The following PDE10A variants were observed in gnomAD, a reference collection of about 807,000 sequenced individuals.
PDE10A encodes phosphodiesterase 10A.
In PDE10A, 39 loss-of-function variants were observed where a neutral mutation model predicts 97.7. The observed-to-expected ratio is 0.40, with a 90% CI of 0.31 to 0.52. The LOEUF (loss-of-function observed/expected upper bound fraction) is 0.52, where lower values mean the gene tolerates loss of function less well. Among genes scored for constraint, PDE10A ranks in the 20% least tolerant of loss-of-function variants. PDE10A has a pLI of 0.56. For missense variants in PDE10A, 731 were observed against 1,047.8 expected (o/e 0.70, Z 4.17); for synonymous variants, 371 against 376.8 (o/e 0.98, Z 0.18).
intron 1 of PDE10A, among the ~76,000 whole-genome samples, chr6:165,759,073 C>CGCT (rs1793191412): frequency 6.6e-6 from 1 of 152,202 alleles, no homozygotes. Context: ...AGCCGGGAAG[C>CGCT]AGTCCTGCTC....
At chr6:165,495,742 G>C (rs1490738981) in intron 2 of PDE10A, among the ~76,000 whole-genome samples, 1 of 151,958 alleles carries the variant, frequency 6.6e-6, no homozygotes, top group Non-Finnish European at 1.5e-5. Context: ...CTCAAATAAG[G>C]CTGGTTTCAC....
At position 165,350,507 on chromosome 6, in the gene PDE10A, A is replaced by C. The variant is rs192601989; in HGVS notation, c.2784-7005T>G. Reference sequence around the variant, plus strand: ...GGACTTGTATCAGATGAGACTTTGGACTTGAACTTTTGAGTTAACACTGGA... The same window carrying C: ...GGACTTGTATCAGATGAGACTTTGGCCTTGAACTTTTGAGTTAACACTGGA... On this transcript the variant is annotated intron_variant, in intron 18 of 21. Coordinates refer to ENST00000539869, the MANE Select transcript of PDE10A (RefSeq NM_001385079.1). Among the ~76,000 whole-genome samples the C allele has an allele frequency of 4.5e-4, 68 of 152,220 alleles. 2 individuals carry two copies. The highest frequency in any genetic ancestry group is 4.2e-3 in the Admixed American group (64 of 15,292).
chr6:165,361,921 T>C (rs1259760622), intron 18 of PDE10A, among the ~76,000 whole-genome samples: 4 of 152,170 alleles, frequency 2.6e-5, no homozygotes, highest in Non-Finnish European at 4.4e-5. Flanking sequence ...ACAGCAGTCC[T>C]AGAATATGAA....
At chr6:165,732,608 C>T (rs1792466959) in intron 1 of PDE10A, among the ~76,000 whole-genome samples, 1 of 152,248 alleles carries the variant, frequency 6.6e-6, no homozygotes, top group Admixed American at 6.5e-5. Context: ...CTAACCATGT[C>T]ATTAACATGA....
chr6:165,641,172 G>A (rs1282230610), intron 1 of PDE10A, among the ~76,000 whole-genome samples: 1 of 152,094 alleles, frequency 6.6e-6, no homozygotes, highest in Non-Finnish European at 1.5e-5. Flanking sequence ...AGTAAGGGGT[G>A]ACTGACGCCC....
chr6:165,377,328 TAGAC>T (rs1019478552), intron 18 of PDE10A, among the ~76,000 whole-genome samples: 36 of 152,216 alleles, frequency 2.4e-4, no homozygotes, highest in African/African-American at 5.8e-4. Context: ...TTACAGGAAA[TAGAC>T]AGTTGCTACT....
intron 1 of PDE10A, among the ~76,000 whole-genome samples, chr6:165,787,212 TA>T (rs1192025266): frequency 2.0e-5 from 3 of 152,004 alleles, no homozygotes; most frequent in African/African-American, 4.8e-5. Context: ...AAACAGCCAT[TA>T]AAAAAACCCA....
At chr6:165,552,829 A>G (rs1443886554) in intron 1 of PDE10A, among the ~76,000 whole-genome samples, 1 of 152,202 alleles carries the variant, frequency 6.6e-6, no homozygotes, top group African/African-American at 2.4e-5. Flanking sequence ...ACAGACTATC[A>G]TCAAGTGAAT....
chr6:165,927,432 G>C (rs1782971329), intron 1 of PDE10A, among the ~76,000 whole-genome samples: 1 of 151,694 alleles, frequency 6.6e-6, no homozygotes. Context: ...TCACAATACA[G>C]TAAGATTTTT....
intron 13 of PDE10A, among the ~76,000 whole-genome samples, chr6:165,404,880 CA>C (rs1276618184): frequency 7.5e-6 from 1 of 132,726 alleles, no homozygotes; most frequent in Non-Finnish European, 1.6e-5. Flanking sequence ...ACAAAAACCA[CA>C]AGGATTTCTT....
At chr6:165,839,040 G>A (rs932155864) in intron 1 of PDE10A, among the ~76,000 whole-genome samples, 1 of 152,202 alleles carries the variant, frequency 6.6e-6, no homozygotes, top group Non-Finnish European at 1.5e-5. Context: ...TTCTGGGTTA[G>A]TAATCCTTTC....
chr6:165,830,287 G>C (rs146920599), intron 1 of PDE10A, among the ~76,000 whole-genome samples: 76 of 152,346 alleles, frequency 5.0e-4, no homozygotes, highest in African/African-American at 1.7e-3. Context: ...CAGTCGCTCA[G>C]CTACCACCCA....
chr6:165,707,142 C>G (rs974079531), intron 1 of PDE10A, among the ~76,000 whole-genome samples: 1 of 152,204 alleles, frequency 6.6e-6, no homozygotes, highest in Non-Finnish European at 1.5e-5. Context: ...CTATTTGACC[C>G]TCAAAGTAGC....
intron 18 of PDE10A, among the ~76,000 whole-genome samples, chr6:165,345,760 G>A (rs1454725558): frequency 3.9e-5 from 6 of 152,170 alleles, no homozygotes; most frequent in Non-Finnish European, 8.8e-5. Flanking sequence ...CATGTATCTG[G>A]CAGTTACAGC....
At chr6:165,587,583 T>G (rs1373340139) in intron 1 of PDE10A, among the ~76,000 whole-genome samples, 1 of 152,184 alleles carries the variant, frequency 6.6e-6, no homozygotes, top group East Asian at 1.9e-4. Flanking sequence ...TTCATTAAGT[T>G]AGATGCAGAA....
At chr6:165,900,583 T>C (rs756694321) in intron 1 of PDE10A, among the ~76,000 whole-genome samples, 2 of 152,216 alleles carry the variant, frequency 1.3e-5, no homozygotes, top group Non-Finnish European at 2.9e-5. Flanking sequence ...TCTGTCTCTC[T>C]GTCTCCAACC....
At chr6:165,898,659 C>T (rs943847017) in intron 1 of PDE10A, among the ~76,000 whole-genome samples, 1 of 152,018 alleles carries the variant, frequency 6.6e-6, no homozygotes, top group African/African-American at 2.4e-5. Context: ...CTCTCATTCT[C>T]CTCCCTGGGA....
chr6:165,924,968 T>C (rs1031192189), intron 1 of PDE10A, among the ~76,000 whole-genome samples: 25 of 151,768 alleles, frequency 1.6e-4, no homozygotes, highest in African/African-American at 5.8e-4. Context: ...TCTGAAGAGA[T>C]TGAAAAGGCA....
At chr6:165,849,408 G>A (rs1283685546) in intron 1 of PDE10A, among the ~76,000 whole-genome samples, 2 of 152,216 alleles carry the variant, frequency 1.3e-5, no homozygotes, top group African/African-American at 4.8e-5. Flanking sequence ...GATTACAACT[G>A]AAATGTCTAA....
Sources: allele counts gnomAD v4.1 joint callset (sites outside exome capture counted in the v4.1 genomes callset), GRCh38; gene constraint gnomAD v4.1.1; transcripts MANE v1.5; gene names NCBI Gene and HGNC (gene_info 2026-07-23, HGNC 2026-07-21).